The following SUPT3H variants were observed in gnomAD, a reference collection of about 807,000 sequenced individuals.
SUPT3H encodes SPT3 homolog, SAGA and STAGA complex component, also known as transcription initiation protein SPT3 homolog.
A neutral mutation model predicts 44.3 loss-of-function variants in SUPT3H; 44 were observed. The ratio of observed to expected loss-of-function variants is 0.99; its 90% CI spans 0.78 to 1.28. The LOEUF (loss-of-function observed/expected upper bound fraction) is 1.28. Among genes scored for constraint, SUPT3H ranks in the 50% most tolerant of loss-of-function variants. The pLI is 0.00. For synonymous variants in SUPT3H, 124 were observed against 125.6 expected, an observed-to-expected ratio of 0.99 and a Z score of 0.09; for missense variants, 380 against 387.1, an observed-to-expected ratio of 0.98 and a Z score of 0.15.
At chr6:44,911,305 A>G (rs1030691332) in intron 10 of SUPT3H, among the ~76,000 whole-genome samples, 7 of 151,964 alleles carry the variant, frequency 4.6e-5, no homozygotes, top group African/African-American at 1.7e-4. Context: ...TGCAAGGTCA[A>G]ATTTGGTATA....
At chr6:45,209,546 A>G (rs1457745043) in intron 2 of SUPT3H, among the ~76,000 whole-genome samples, 1 of 152,230 alleles carries the variant, frequency 6.6e-6, no homozygotes, top group Non-Finnish European at 1.5e-5. Flanking sequence ...TTGTGTGACT[A>G]AAGTGCTGCA....
At chr6:45,179,458 C>T (rs1222364612) in intron 2 of SUPT3H, among the ~76,000 whole-genome samples, 1 of 152,132 alleles carries the variant, frequency 6.6e-6, no homozygotes, top group African/African-American at 2.4e-5. Context: ...TCCTTGATGA[C>T]CATTGATGCA....
intron 2 of SUPT3H, among the ~76,000 whole-genome samples, chr6:45,292,520 T>C (rs1780475709): frequency 6.6e-6 from 1 of 151,924 alleles, no homozygotes; most frequent in Admixed American, 6.6e-5. Flanking sequence ...ATGTTCCACT[T>C]AGAAGATACA....
intron 2 of SUPT3H, among the ~76,000 whole-genome samples, chr6:45,153,629 G>C (rs1807306086): frequency 1.3e-5 from 2 of 152,174 alleles, no homozygotes. Context: ...CCAACACTTA[G>C]GGAGCCCGAG....
intron 6 of SUPT3H, among the ~76,000 whole-genome samples, chr6:44,967,358 C>G (rs979935954): frequency 6.6e-6 from 1 of 152,200 alleles, no homozygotes; most frequent in Non-Finnish European, 1.5e-5. Context: ...CTGCGTCCTA[C>G]TTAAATGAAA....
chr6:45,094,266 A>T (rs775378882), intron 3 of SUPT3H, among the ~76,000 whole-genome samples: 1 of 152,146 alleles, frequency 6.6e-6, no homozygotes, highest in Non-Finnish European at 1.5e-5. Context: ...ATAGGAGTCT[A>T]GCAGACCAGC....
chr6:45,170,977 G>A (rs777910853), intron 2 of SUPT3H, among the ~76,000 whole-genome samples: 4 of 152,132 alleles, frequency 2.6e-5, no homozygotes, highest in South Asian at 4.1e-4. Flanking sequence ...CCAAACAAAC[G>A]TCTTAGTGAT....
chr6:44,830,772 CAAAG>C (rs1029357600), intron 10 of SUPT3H, among the ~76,000 whole-genome samples: 2 of 151,818 alleles, frequency 1.3e-5, no homozygotes, highest in African/African-American at 2.4e-5. Flanking sequence ...TTCAGAAAAA[CAAAG>C]AAAATCATAA....
At chr6:45,145,957 CATA>C (rs1469079437) in intron 2 of SUPT3H, among the ~76,000 whole-genome samples, 7 of 152,002 alleles carry the variant, frequency 4.6e-5, no homozygotes, top group Non-Finnish European at 7.4e-5. Flanking sequence ...AAATCAAAAC[CATA>C]ATGAGATACC....
At chr6:45,055,941 T>C (rs908905672) in intron 3 of SUPT3H, among the ~76,000 whole-genome samples, 1 of 152,178 alleles carries the variant, frequency 6.6e-6, no homozygotes, top group South Asian at 2.1e-4. Flanking sequence ...AAAGGACTAA[T>C]ATCCAGAATC....
chr6:45,131,481 A>C (rs776917698), intron 2 of SUPT3H, among the ~76,000 whole-genome samples: 10 of 152,016 alleles, frequency 6.6e-5, no homozygotes, highest in Non-Finnish European at 1.3e-4. Context: ...GCTTATGTTT[A>C]TTTCCAAGCC....
In SUPT3H at chr6:45,327,642, A is replaced by T. The variant is rs186124732; in HGVS notation, c.101+37559T>A. Among the ~76,000 whole-genome samples, 1,383 of 152,130 alleles carry T rather than the reference A, an allele frequency of 9.1e-3. 11 individuals carry two copies. Among genetic ancestry groups the T allele is most frequent in the Non-Finnish European group, 0.013 (914 of 67,960 alleles). On this transcript the variant is annotated intron_variant, in intron 2 of 10. Transcript: ENST00000371459. ...ATAAACTAGACAGACGTGATTTAAA[A>T]TTTGTAAAAGAATGCCCAGACTAAC...
chr6:44,958,999 C>T (rs1775634650), intron 7 of SUPT3H, among the ~76,000 whole-genome samples: 1 of 151,366 alleles, frequency 6.6e-6, no homozygotes, highest in African/African-American at 2.4e-5. Flanking sequence ...CCTTGGCCTC[C>T]CAAGTAGCTG....
Position 44,869,493 on chromosome 6 carries a change from A to ACAACTAATTTAGAAGAAGAG in SUPT3H, c.913-39637_913-39636insCTCTTCTTCTAAATTAGTTG, listed in dbSNP as rs573401455. On this transcript the variant is annotated intron_variant, in intron 10 of 10. Coordinates refer to ENST00000371459, the MANE Select transcript of SUPT3H (RefSeq NM_003599.4). ...CGATATTGCAACTGTTCTGAAAATCAGCACGTATGTAGGTAATTACTCCTA... is the reference window on the plus strand; with the variant it reads ...CGATATTGCAACTGTTCTGAAAATCACAACTAATTTAGAAGAAGAGGCACGTATGTAGGTAATTACTCCTA... Among the ~76,000 whole-genome samples, 993 of 152,356 alleles carry ACAACTAATTTAGAAGAAGAG rather than the reference A, an allele frequency of 6.5e-3. 12 individuals carry two copies. Among genetic ancestry groups the ACAACTAATTTAGAAGAAGAG allele is most frequent in the African/African-American group, 0.023 (938 of 41,586 alleles).
At chr6:45,111,700 GA>G (rs1330548899) in intron 2 of SUPT3H, among the ~76,000 whole-genome samples, 1 of 152,074 alleles carries the variant, frequency 6.6e-6, no homozygotes, top group African/African-American at 2.4e-5. Context: ...TTCATCTGAA[GA>G]TAATGCTTTT....
At chr6:45,057,399 A>G (rs1226892582) in intron 3 of SUPT3H, among the ~76,000 whole-genome samples, 1 of 152,060 alleles carries the variant, frequency 6.6e-6, no homozygotes, top group Non-Finnish European at 1.5e-5. Context: ...AAAAATCAAG[A>G]TTTTTTTCTT....
At chr6:44,891,305 T>C (rs774929395) in intron 10 of SUPT3H, among the ~76,000 whole-genome samples, 1 of 152,138 alleles carries the variant, frequency 6.6e-6, no homozygotes, top group African/African-American at 2.4e-5. Flanking sequence ...GGAACTCAGA[T>C]ACTGGTACAC....
At chr6:45,121,108 A>C (rs1307468416) in intron 2 of SUPT3H, among the ~76,000 whole-genome samples, 1 of 152,200 alleles carries the variant, frequency 6.6e-6, no homozygotes, top group East Asian at 1.9e-4. Context: ...AATACCATTC[A>C]TATACTGTTT....
chr6:44,835,826 G>A (rs1266379123), intron 10 of SUPT3H, among the ~76,000 whole-genome samples: 1 of 152,046 alleles, frequency 6.6e-6, no homozygotes, highest in Non-Finnish European at 1.5e-5. Context: ...GTAGAAGAGA[G>A]ACTATGCCAA....
Sources: allele counts gnomAD v4.1 joint callset (sites outside exome capture counted in the v4.1 genomes callset), GRCh38; gene constraint gnomAD v4.1.1; transcripts MANE v1.5; gene names NCBI Gene and HGNC (gene_info 2026-07-23, HGNC 2026-07-21).